PDE1C: variants seen among roughly 807,000 people sequenced by gnomAD.
The protein encoded by PDE1C is phosphodiesterase 1C.
In PDE1C, 62 loss-of-function variants were observed where a neutral mutation model predicts 93.1. The ratio of observed to expected loss-of-function variants is 0.67; its 90% CI spans 0.54 to 0.82. PDE1C has a LOEUF of 0.82. Among genes scored for constraint, PDE1C ranks in the 40% least tolerant of loss-of-function variants. PDE1C has a pLI of 0.00. For synonymous variants in PDE1C, 325 were observed against 310.1 expected (o/e 1.05, Z -0.50); for missense variants, 742 against 884.6 (o/e 0.84, Z 2.04).
In PDE1C at chr7:32,050,997, G is replaced by C. The variant is rs866925232; in HGVS notation, c.128+557C>G. 5.9e-5 allele frequency among the ~76,000 whole-genome samples: 9 copies of C among 152,002 alleles called. No homozygotes were observed. In the Middle Eastern group the frequency reaches 0.02, roughly 345 times the overall value. ...ATCCCTCATGGCTCCTTATGCCAAA[G>C]AGTGCAAAGCACAGCCCAGAGGCAG... On this transcript the variant is annotated intron_variant, in intron 2 of 17. Transcript: ENST00000396191.
At chr7:32,003,616 T>C (rs952922052) in intron 2 of PDE1C, among the ~76,000 whole-genome samples, 64 of 152,308 alleles carry the variant, frequency 4.2e-4, no homozygotes, top group African/African-American at 1.4e-3. Flanking sequence ...GGCCCATCCA[T>C]TATAACAACA....
At chr7:31,873,262 T>C (rs779029250) in intron 6 of PDE1C, 30 bp downstream of exon 6, 1 of 1,324,634 alleles carries the variant, frequency 7.5e-7, no homozygotes, top group Non-Finnish European at 1.1e-6. Context: ...ATGTAGTTTA[T>C]TTATTTTTTC....
rs541976654 is a variant in PDE1C at position 32,041,532 on chromosome 7, G to A, written c.128+10022C>T. On this transcript the variant is annotated intron_variant, in intron 2 of 17. Coordinates refer to ENST00000396191, the MANE Select transcript of PDE1C (RefSeq NM_001191057.4). ...GGAAAAATTCAGGCAGTGACCTCAC[G>A]AACTTTGAAAAGGCAGTATCGTATT... Among the ~76,000 whole-genome samples the A allele has an allele frequency of 9.2e-5, 14 of 152,292 alleles. No homozygotes were observed. The South Asian group carries it at 1.7e-3, about 18-fold the overall frequency.
chr7:32,327,726 C>T (rs560665742), intron 1 of PDE1C, among the ~76,000 whole-genome samples: 3 of 148,288 alleles, frequency 2.0e-5, no homozygotes, highest in African/African-American at 5.0e-5. Flanking sequence ...ACCAAGATCA[C>T]GTCACTGCAC....
intron 2 of PDE1C, among the ~76,000 whole-genome samples, chr7:32,204,817 G>A (rs969264085): frequency 6.6e-6 from 1 of 152,114 alleles, no homozygotes; most frequent in Non-Finnish European, 1.5e-5. Context: ...AAGCGTCCCC[G>A]TTCTGACTCT....
chr7:32,238,010 T>C (rs948375895), intron 1 of PDE1C, among the ~76,000 whole-genome samples: 2 of 151,984 alleles, frequency 1.3e-5, no homozygotes, highest in Non-Finnish European at 2.9e-5. Flanking sequence ...TCTCAGGTGA[T>C]CCGCCCACCT....
chr7:31,628,008 A>G, the PDE1C span, among the ~76,000 whole-genome samples: 1 of 152,206 alleles, frequency 6.6e-6, no homozygotes, highest in African/African-American at 2.4e-5. Context: ...ATGTGGAAGC[A>G]CCTCAAGGTT....
At chr7:32,250,288 C>A (rs144649402) in intron 1 of PDE1C, among the ~76,000 whole-genome samples, 109 of 152,288 alleles carry the variant, frequency 7.2e-4, no homozygotes, top group Middle Eastern at 3.4e-3. Context: ...GAAAAGGAGA[C>A]CCTGGGTCAC....
At chr7:32,285,029 CAAAA>C (rs773479808) in intron 1 of PDE1C, among the ~76,000 whole-genome samples, 1 of 81,354 alleles carries the variant, frequency 1.2e-5, no homozygotes, top group Non-Finnish European at 2.6e-5. Context: ...GACTCTGTCT[CAAAA>C]AAAAAAAAAA....
intron 16 of PDE1C, among the ~76,000 whole-genome samples, chr7:31,793,044 GTATTTA>G (rs1226480231): frequency 3.9e-5 from 6 of 151,988 alleles, no homozygotes; most frequent in African/African-American, 1.2e-4. Context: ...TCACAGAAAT[GTATTTA>G]CTCTATAGGA....
At chr7:32,306,088 G>C (rs1812993633) in intron 1 of PDE1C, among the ~76,000 whole-genome samples, 1 of 152,088 alleles carries the variant, frequency 6.6e-6, no homozygotes, top group Non-Finnish European at 1.5e-5. Flanking sequence ...CCTTTCACTT[G>C]ATCCTTCATT....
At chr7:31,896,785 G>A (rs952505339) in intron 2 of PDE1C, among the ~76,000 whole-genome samples, 20 of 152,146 alleles carry the variant, frequency 1.3e-4, no homozygotes, top group African/African-American at 4.8e-4. Context: ...CTTGTGGGGT[G>A]GGACAACACT....
At chr7:32,293,253 G>A (rs1305489146) in intron 1 of PDE1C, among the ~76,000 whole-genome samples, 3 of 152,134 alleles carry the variant, frequency 2.0e-5, no homozygotes, top group Non-Finnish European at 4.4e-5. Context: ...AAGCTAAATG[G>A]CTCACCTAAT....
At chr7:32,098,968 T>C (rs1174605945) in intron 3 of PDE1C, among the ~76,000 whole-genome samples, 1 of 152,240 alleles carries the variant, frequency 6.6e-6, no homozygotes, top group Non-Finnish European at 1.5e-5. Context: ...AGTGTGAATG[T>C]AGTTAATGCC....
chr7:32,022,996 G>A (rs968891281), intron 2 of PDE1C, among the ~76,000 whole-genome samples: 30 of 150,626 alleles, frequency 2.0e-4, no homozygotes, highest in African/African-American at 6.8e-4. Flanking sequence ...AAAGCAAACC[G>A]GAAGAGGCTT....
intron 1 of PDE1C, among the ~76,000 whole-genome samples, chr7:32,357,522 T>C (rs972379067): frequency 2.0e-5 from 3 of 152,214 alleles, no homozygotes; most frequent in Non-Finnish European, 4.4e-5. Context: ...ACTCAACTAA[T>C]GGACTTTGGA....
intron 2 of PDE1C, among the ~76,000 whole-genome samples, chr7:32,004,296 C>T (rs1454058346): frequency 2.0e-5 from 3 of 152,082 alleles, no homozygotes; most frequent in Non-Finnish European, 4.4e-5. Flanking sequence ...TTGGACCTCT[C>T]GTGATCTTAT....
chr7:32,272,002 T>C (rs1165505238), intron 1 of PDE1C, among the ~76,000 whole-genome samples: 1 of 152,230 alleles, frequency 6.6e-6, no homozygotes, highest in African/African-American at 2.4e-5. Context: ...ACCTCCACTT[T>C]GTCTCACTTG....
the PDE1C span, among the ~76,000 whole-genome samples, chr7:31,668,815 G>A: frequency 1.9e-4 from 28 of 150,006 alleles, no homozygotes; most frequent in African/African-American, 6.9e-4. Flanking sequence ...CCCTTTAATT[G>A]TATTGTTTAT....
Sources: allele counts gnomAD v4.1 joint callset (sites outside exome capture counted in the v4.1 genomes callset), GRCh38; gene constraint gnomAD v4.1.1; transcripts MANE v1.5; gene names NCBI Gene and HGNC (gene_info 2026-07-23, HGNC 2026-07-21).